The following SPTY2D1 variants were observed in gnomAD, a reference collection of about 807,000 sequenced individuals.
SPTY2D1 encodes the protein protein SPT2 homolog.
SPTY2D1 carries 21 observed loss-of-function variants against 64.0 expected under a neutral mutation model. The ratio of observed to expected loss-of-function variants is 0.33; its 90% confidence interval spans 0.23 to 0.47. The LOEUF (loss-of-function observed/expected upper bound fraction) is 0.47, where lower values mean the gene tolerates loss of function less well. SPTY2D1 is among the 20% of genes least tolerant of loss of function. The pLI is 1.00. For missense variants in SPTY2D1, 724 were observed against 837.2 expected (o/e 0.86, Z 1.67); for synonymous variants, 287 against 286.8 (o/e 1.00, Z -0.01).
chr11:18,633,785 A>T (rs1253243412), intron 1 of SPTY2D1, among the ~76,000 whole-genome samples: 1 of 152,214 alleles, frequency 6.6e-6, no homozygotes, highest in Non-Finnish European at 1.5e-5. Context: ...CCAAAAAGCT[A>T]TCAAGCCAAG....
chr11:18,621,153 C>T (rs544211409), intron 1 of SPTY2D1, among the ~76,000 whole-genome samples: 18 of 151,346 alleles, frequency 1.2e-4, no homozygotes, highest in South Asian at 8.4e-4. Flanking sequence ...AAAAATTAGC[C>T]AGGCGTGGTG....
At chr11:18,610,975 G>A (rs1388954606) in intron 5 of SPTY2D1, among the ~76,000 whole-genome samples, 4 of 152,158 alleles carry the variant, frequency 2.6e-5, no homozygotes, top group East Asian at 3.9e-4. Flanking sequence ...ATACTTAAAT[G>A]AGTAAAACAG....
At chr11:18,610,686 A>AAAAAAAAAAAAAAAAAAAAC (rs1554987436) in intron 5 of SPTY2D1, among the ~76,000 whole-genome samples, 88 of 147,234 alleles carry the variant, frequency 6.0e-4, no homozygotes, top group African/African-American at 1.7e-3. Context: ...AAAAAAAAAA[A>AAAAAAAAAAAAAAAAAAAAC]AACAACAATA....
intron 3 of SPTY2D1, among the ~76,000 whole-genome samples, chr11:18,614,100 G>A (rs1421774683): frequency 6.6e-6 from 1 of 152,098 alleles, no homozygotes; most frequent in Non-Finnish European, 1.5e-5. Flanking sequence ...TCCTAGACAA[G>A]TCTCTTTCTA....
In SPTY2D1 at chr11:18,616,027, T is replaced by C. The variant is rs1264635926; in HGVS notation, c.247A>G (p.Arg83Gly). The C allele has an allele frequency of 1.2e-6, 2 of 1,613,986 alleles. No individual in the cohort carries two copies. Among genetic ancestry groups the C allele is most frequent in the African/African-American group, 2.7e-5 (2 of 74,906 alleles). The change falls in exon 3 of 6, where the codon AGA becomes GGA. Residue 83 changes from arginine (R) to glycine (G), a missense_variant. Physicochemically the swap from Arg to Gly is moderately radical, Grantham distance 125. Transcript: ENST00000336349. ...TCCTTTGTCCTCTTGGCCATAGCTC[T>C]TGCTTTCTTGTCATGTTTGAGCTCA... ...RIELKHDKKARAMAKRTKDNF... is the reference protein window; with the variant it reads ...RIELKHDKKAGAMAKRTKDNF...
chr11:18,615,976 G>C lies in SPTY2D1; in HGVS notation c.298C>G (p.Pro100Ala). ...KDNFHGYNGI[P>A]IEEKSKKRQA... ...CTCTTCTTTGACTTTTCCTCAATAGGAATCCCATTGTAACCATGGAAATTA... is the reference window on the plus strand; with the variant it reads ...CTCTTCTTTGACTTTTCCTCAATAGCAATCCCATTGTAACCATGGAAATTA... The change falls in exon 3 of 6, where the codon CCT (proline) becomes GCT (alanine). Residue 100 changes from proline (P) to alanine (A), a missense_variant. Transcript: ENST00000336349. 6 of 1,614,098 alleles carry C rather than the reference G, an allele frequency of 3.7e-6. No homozygotes were observed. Among genetic ancestry groups the C allele is most frequent in the Non-Finnish European group, 5.1e-6 (6 of 1,180,014 alleles).
intron 3 of SPTY2D1, among the ~76,000 whole-genome samples, chr11:18,614,266 T>C (rs750846998): frequency 2.6e-5 from 4 of 151,900 alleles, no homozygotes; most frequent in Non-Finnish European, 5.9e-5. Flanking sequence ...CTATAAAAAA[T>C]AAAAAGTTAG....
intron 1 of SPTY2D1, among the ~76,000 whole-genome samples, chr11:18,621,919 T>G (rs1486789842): frequency 6.6e-6 from 1 of 151,246 alleles, no homozygotes; most frequent in Admixed American, 6.6e-5. Context: ...AGACCCTGTC[T>G]CTCCAAACAA....
In SPTY2D1 at chr11:18,634,314, C is replaced by T; in HGVS notation, c.-57G>A. The T allele has an allele frequency of 6.3e-7, 1 of 1,590,748 alleles. No homozygotes were observed. The highest frequency in any genetic ancestry group is 2.2e-5 in the East Asian group (1 of 44,756). On this transcript the variant is annotated 5_prime_UTR_variant, in exon 1 of 6. Coordinates refer to ENST00000336349, the MANE Select transcript of SPTY2D1 (RefSeq NM_194285.3). ...CACTCGGAAAGGACTGACAGCGCAC[C>T]TAACCGAGGCGCCCAGCTACAGCCA...
intron 1 of SPTY2D1, among the ~76,000 whole-genome samples, chr11:18,623,175 T>A (rs78599801): frequency 0.039 from 5,923 of 151,794 alleles, 126 homozygotes; most frequent in Middle Eastern, 0.088. Context: ...ATCACAAATT[T>A]AAAAAAAAAC....
Position 18,614,776 on chromosome 11 carries a change from T to G in SPTY2D1, c.1498A>C (p.Ile500Leu). ...SGPGRSISGS[I>L]PAGRTVSNSV... Reference sequence around the variant, plus strand: ...TTACTGACAGTCCGTCCAGCTGGAATTGAGCCACTTATGGATCTCCCAGGG... The same window carrying G: ...TTACTGACAGTCCGTCCAGCTGGAAGTGAGCCACTTATGGATCTCCCAGGG... The change falls in exon 3 of 6, where the codon ATT (isoleucine) becomes CTT (leucine). Residue 500 changes from isoleucine (I) to leucine (L), a missense_variant. By Grantham distance (5) the Ile-to-Leu change is conservative. Coordinates refer to ENST00000336349, the MANE Select transcript of SPTY2D1 (RefSeq NM_194285.3). 6.2e-7 allele frequency: 1 copy of G among 1,612,928 alleles called. No individual in the cohort carries two copies. The highest frequency in any genetic ancestry group is 8.5e-7 in the Non-Finnish European group (1 of 1,179,064).
chr11:18,611,327 A>C (rs1334258123), intron 5 of SPTY2D1, 150 bp downstream of exon 5: 2 of 719,522 alleles, frequency 2.8e-6, no homozygotes, highest in Non-Finnish European at 4.8e-6. Flanking sequence ...ACTGTTAAGG[A>C]ATTTGTCCAA....
At position 18,606,685 on chromosome 11, in the gene SPTY2D1, G is replaced by A. The variant is rs772124386; in HGVS notation, c.*3176C>T. On this transcript the variant is annotated 3_prime_UTR_variant, in exon 6 of 6. Coordinates refer to ENST00000336349, the MANE Select transcript of SPTY2D1 (RefSeq NM_194285.3). ...AGTAGTCTAATATATTCAATACATT[G>A]AAAATAAAACAACCAGTCTCTCTTC... The A allele has an allele frequency of 9.8e-6, 4 of 409,660 alleles. No individual in the cohort carries two copies. The highest frequency in any genetic ancestry group is 5.4e-5 in the South Asian group (3 of 55,112). 25.4% of individuals were successfully genotyped at this position (409,660 alleles called of 1,614,324 possible).
At chr11:18,620,978 A>G (rs1055154945) in intron 1 of SPTY2D1, among the ~76,000 whole-genome samples, 3 of 151,958 alleles carry the variant, frequency 2.0e-5, no homozygotes, top group African/African-American at 7.3e-5. Flanking sequence ...TATACCATTT[A>G]TATCCAGGCC....
intron 1 of SPTY2D1, among the ~76,000 whole-genome samples, chr11:18,617,391 C>T (rs1325268844): frequency 1.3e-5 from 2 of 151,754 alleles, no homozygotes; most frequent in Non-Finnish European, 2.9e-5. Context: ...CTTTGGGAGG[C>T]GGAGGCGGGC....
chr11:18,612,215 T>C lies in SPTY2D1; in HGVS notation c.1886+99A>G. On this transcript the variant is annotated intron_variant, in intron 4 of 5. Coordinates refer to ENST00000336349, the MANE Select transcript of SPTY2D1 (RefSeq NM_194285.3). The surrounding 1 kb of genome is among the most constrained non-coding windows in gnomAD (Gnocchi z 4.6). ...CACCCAAGGGTTCCTAATTAAGAATTGTATTCAGTGCCTCCACTATTAGTT... is the reference window on the plus strand; with the variant it reads ...CACCCAAGGGTTCCTAATTAAGAATCGTATTCAGTGCCTCCACTATTAGTT... 1.1e-6 allele frequency: 1 copy of C among 890,484 alleles called. No homozygotes were observed. The highest frequency in any genetic ancestry group is 1.6e-6 in the Non-Finnish European group (1 of 613,340). The allele number at this position is 890,484 out of a possible 1,614,324, so 55.2% of individuals were successfully genotyped here.
In SPTY2D1 at chr11:18,612,203, C is replaced by A; in HGVS notation, c.1886+111G>T. ...TTAAATAACAATCACCCAAGGGTTC[C>A]TAATTAAGAATTGTATTCAGTGCCT... On this transcript the variant is annotated intron_variant, in intron 4 of 5. Coordinates refer to ENST00000336349, the MANE Select transcript of SPTY2D1 (RefSeq NM_194285.3). This position sits in a 1 kb window ranked among gnomAD's most constrained non-coding sequence, Gnocchi z 4.6. The A allele has an allele frequency of 1.3e-6, 1 of 743,276 alleles. No individual in the cohort carries two copies. The highest frequency in any genetic ancestry group is 2.8e-5 in the South Asian group (1 of 35,680). The allele number at this position is 743,276 out of a possible 1,614,324, so 46.0% of individuals were successfully genotyped here. A position where few individuals can be genotyped will look rare whatever the true frequency, so the allele number is the denominator to read the frequency against.
At chr11:18,634,071 A>T in intron 1 of SPTY2D1, 127 bp downstream of exon 1, 1 of 1,037,036 alleles carries the variant, frequency 9.6e-7, no homozygotes, top group Non-Finnish European at 1.5e-6. Flanking sequence ...CAAGAAAAGG[A>T]AATAAGGCGT....
At chr11:18,632,864 T>C (rs1854610574) in intron 1 of SPTY2D1, among the ~76,000 whole-genome samples, 1 of 152,220 alleles carries the variant, frequency 6.6e-6, no homozygotes, top group African/African-American at 2.4e-5. Flanking sequence ...TAGTACTATC[T>C]TTGACCTTTA....
Sources: allele counts gnomAD v4.1 joint callset (sites outside exome capture counted in the v4.1 genomes callset), GRCh38; gene constraint gnomAD v4.1.1; non-coding constraint Gnocchi (gnomAD v3.1); transcripts MANE v1.5; gene names NCBI Gene and HGNC (gene_info 2026-07-23, HGNC 2026-07-21).